Variants in KLF12 observed in about 807,000 individuals in gnomAD.
The protein encoded by KLF12 is Krueppel-like factor 12.
KLF12 carries 9 observed loss-of-function variants against 37.8 expected under a neutral mutation model. The ratio of observed to expected loss-of-function variants is 0.24; its 90% CI spans 0.14 to 0.42. KLF12 has a LOEUF of 0.42. KLF12 is among the 10% of genes least tolerant of loss of function. The pLI, the probability that KLF12 is intolerant of heterozygous loss-of-function variation, is 1.00. For synonymous variants in KLF12, 208 were observed against 202.1 expected (o/e 1.03, Z -0.25); for missense variants, 411 against 516.0 (o/e 0.80, Z 1.97).
At chr13:73,851,295 G>C (rs776912525) in intron 3 of KLF12, among the ~76,000 whole-genome samples, 6 of 152,182 alleles carry the variant, frequency 3.9e-5, no homozygotes, top group Admixed American at 6.5e-5. Flanking sequence ...CATAAATACA[G>C]TCATTGCGGA....
At chr13:74,125,657 C>G (rs530794907) in intron 1 of KLF12, among the ~76,000 whole-genome samples, 5 of 152,176 alleles carry the variant, frequency 3.3e-5, no homozygotes, top group Admixed American at 3.3e-4. Context: ...TAGCAGTTTA[C>G]TTCTAAAATA....
chr13:73,929,021 C>T lies in KLF12; in HGVS notation c.123+14960G>A, dbSNP rs184779158. Among the ~76,000 whole-genome samples the T allele has an allele frequency of 2.0e-3, 298 of 152,290 alleles. 3 individuals carry two copies. Among genetic ancestry groups the T allele is most frequent in the Admixed American group, 0.017 (253 of 15,296 alleles). ...GTCAGATTCTTGCCTACCTTCATCCCTCATAACTCACACCATTTTGTGACT... is the reference window on the plus strand; with the variant it reads ...GTCAGATTCTTGCCTACCTTCATCCTTCATAACTCACACCATTTTGTGACT... On this transcript the variant is annotated intron_variant, in intron 3 of 7. Transcript: ENST00000377669.
intron 3 of KLF12, among the ~76,000 whole-genome samples, chr13:73,886,641 GA>G (rs920098497): frequency 1.3e-5 from 2 of 151,806 alleles, no homozygotes; most frequent in African/African-American, 4.8e-5. Flanking sequence ...TTGATGAAAA[GA>G]AAAAAGACAG....
the KLF12 span, among the ~76,000 whole-genome samples, chr13:74,224,150 C>G: frequency 7.9e-5 from 12 of 152,194 alleles, no homozygotes; most frequent in Non-Finnish European, 1.6e-4. Flanking sequence ...CATCCTACCT[C>G]ATGTGATTTC....
At chr13:73,796,649 A>ACTC (rs1216683033) in intron 5 of KLF12, among the ~76,000 whole-genome samples, 1 of 151,204 alleles carries the variant, frequency 6.6e-6, no homozygotes, top group East Asian at 1.9e-4. Flanking sequence ...CTTATAGAAA[A>ACTC]CTCTTTGGTA....
At chr13:73,868,174 T>C (rs1052678247) in intron 3 of KLF12, among the ~76,000 whole-genome samples, 18 of 150,850 alleles carry the variant, frequency 1.2e-4, no homozygotes, top group Admixed American at 2.6e-4. Context: ...TAGCCGGGCA[T>C]GGTGGCATGT....
chr13:74,083,493 GACACACACACACACACACACACACAC>G (rs61312097), intron 1 of KLF12, among the ~76,000 whole-genome samples: 1 of 136,420 alleles, frequency 7.3e-6, no homozygotes, highest in Non-Finnish European at 1.6e-5. Flanking sequence ...GGCGATAGGA[GACACACACACACACACACACACACAC>G]ACACACACAC....
At position 74,081,648 on chromosome 13, in the gene KLF12, A is replaced by G. The variant is rs1290743514; in HGVS notation, c.-32+52091T>C. 2.0e-5 allele frequency among the ~76,000 whole-genome samples: 3 copies of G among 152,202 alleles called. No homozygotes were observed. The East Asian group carries it at 5.8e-4, about 29-fold the overall frequency. ...TACACTGATCCCTACCCCTGAGTTT[A>G]TGATCCATGCTCAATAAAATCTATT... is the stretch of plus-strand genomic sequence containing the variant. On this transcript the variant is annotated intron_variant, in intron 1 of 7. Transcript: ENST00000377669.
intron 6 of KLF12, among the ~76,000 whole-genome samples, chr13:73,760,822 A>C (rs1207267629): frequency 6.6e-6 from 1 of 152,176 alleles, no homozygotes; most frequent in African/African-American, 2.4e-5. Flanking sequence ...ATGGAGCAGG[A>C]TAGAGCAAGA....
At chr13:73,715,864 AT>A (rs1390908301) in intron 6 of KLF12, among the ~76,000 whole-genome samples, 4 of 152,224 alleles carry the variant, frequency 2.6e-5, no homozygotes, top group African/African-American at 9.6e-5. Flanking sequence ...ACAGTTTTGA[AT>A]TTCTGAATAT....
intron 4 of KLF12, among the ~76,000 whole-genome samples, chr13:73,836,307 T>C (rs574238869): frequency 5.3e-5 from 8 of 151,988 alleles, no homozygotes; most frequent in South Asian, 2.1e-4. Flanking sequence ...GCTGAGAAAA[T>C]AGTAACATAG....
intron 2 of KLF12, among the ~76,000 whole-genome samples, chr13:73,950,536 A>C (rs1033410290): frequency 6.6e-6 from 1 of 152,198 alleles, no homozygotes; most frequent in African/African-American, 2.4e-5. Flanking sequence ...AGTTGGCTAA[A>C]TCTTTCCTTA....
At chr13:74,233,510 T>C in the KLF12 span, among the ~76,000 whole-genome samples, 1 of 152,252 alleles carries the variant, frequency 6.6e-6, no homozygotes, top group South Asian at 2.1e-4. Context: ...CCCATGCAGA[T>C]TCATAATCTG....
intron 2 of KLF12, among the ~76,000 whole-genome samples, chr13:73,973,862 G>A (rs780881339): frequency 1.2e-4 from 19 of 152,046 alleles, no homozygotes; most frequent in African/African-American, 2.9e-4. Flanking sequence ...GATTATCAAC[G>A]AATGGGAGCT....
the KLF12 span, among the ~76,000 whole-genome samples, chr13:74,197,053 T>C: frequency 6.6e-6 from 1 of 152,162 alleles, no homozygotes; most frequent in South Asian, 2.1e-4. Context: ...GATACTGAGA[T>C]GAATTTGACC....
At chr13:74,288,699 G>C in the KLF12 span, among the ~76,000 whole-genome samples, 1 of 152,192 alleles carries the variant, frequency 6.6e-6, no homozygotes, top group Non-Finnish European at 1.5e-5. Context: ...ACAGAGAGCT[G>C]TGCTAAAAGC....
chr13:74,029,376 T>G (rs964923808), intron 1 of KLF12, among the ~76,000 whole-genome samples: 5 of 152,126 alleles, frequency 3.3e-5, no homozygotes, highest in Non-Finnish European at 7.4e-5. Flanking sequence ...GGTCAACTAC[T>G]TAGTTTTCAA....
At chr13:73,723,570 GC>G (rs781330344) in intron 6 of KLF12, among the ~76,000 whole-genome samples, 28 of 151,942 alleles carry the variant, frequency 1.8e-4, no homozygotes, top group Admixed American at 5.2e-4. Flanking sequence ...GGTAAGCCCT[GC>G]CCTCCTCATT....
At chr13:74,205,903 CA>C in the KLF12 span, among the ~76,000 whole-genome samples, 11 of 152,178 alleles carry the variant, frequency 7.2e-5, no homozygotes, top group African/African-American at 1.2e-4. Context: ...ACCCTGTCAG[CA>C]GTAATTAACA....
Sources: allele counts gnomAD v4.1 joint callset (sites outside exome capture counted in the v4.1 genomes callset), GRCh38; gene constraint gnomAD v4.1.1; transcripts MANE v1.5; gene names NCBI Gene and HGNC (gene_info 2026-07-23, HGNC 2026-07-21).